Variants in DGKG observed in about 807,000 individuals in gnomAD.
DGKG encodes the protein DAG kinase gamma.
DGKG carries 78 observed loss-of-function variants against 105.3 expected under a neutral mutation model. The ratio of observed to expected loss-of-function variants is 0.74; its 90% confidence interval spans 0.62 to 0.89. The LOEUF (loss-of-function observed/expected upper bound fraction) is 0.89. Among genes scored for constraint, DGKG ranks in the 40% least tolerant of loss-of-function variants. The pLI is 0.00. For missense variants in DGKG, 958 were observed against 1,020.1 expected (o/e 0.94, Z 0.83); for synonymous variants, 346 against 367.1 (o/e 0.94, Z 0.66).
Position 186,178,517 on chromosome 3 carries a change from G to T in DGKG, c.2095+9685C>A, listed in dbSNP as rs559208530. 2.6e-5 allele frequency among the ~76,000 whole-genome samples: 4 copies of T among 152,298 alleles called. No individual in the cohort carries two copies. The East Asian group carries it at 7.7e-4, about 29-fold the overall frequency. On this transcript the variant is annotated intron_variant, in intron 22 of 24. Coordinates refer to ENST00000265022, the MANE Select transcript of DGKG (RefSeq NM_001346.3). Reference sequence around the variant, plus strand: ...CCTTGGCTCTGTGGTTCTATTTTGAGCAGCAAACCTCCTGAGGCAGGAATT... The same window carrying T: ...CCTTGGCTCTGTGGTTCTATTTTGATCAGCAAACCTCCTGAGGCAGGAATT...
At chr3:186,355,593 C>T (rs1348891063) in intron 1 of DGKG, among the ~76,000 whole-genome samples, 2 of 151,782 alleles carry the variant, frequency 1.3e-5, no homozygotes, top group Non-Finnish European at 2.9e-5. Context: ...CATCACCCCA[C>T]CACTACCACC....
chr3:186,346,458 A>G (rs1726334421), intron 1 of DGKG, among the ~76,000 whole-genome samples: 1 of 152,090 alleles, frequency 6.6e-6, no homozygotes, highest in Non-Finnish European at 1.5e-5. Context: ...CTTATTTTAC[A>G]TTTCCTTTAA....
intron 1 of DGKG, among the ~76,000 whole-genome samples, chr3:186,347,408 C>T (rs1440015881): frequency 7.0e-6 from 1 of 141,912 alleles, no homozygotes; most frequent in Non-Finnish European, 1.5e-5. Flanking sequence ...AGACCACAGC[C>T]GCTGCACTCC....
intron 24 of DGKG, among the ~76,000 whole-genome samples, chr3:186,157,513 A>G (rs1277947040): frequency 1.3e-5 from 2 of 152,166 alleles, no homozygotes; most frequent in African/African-American, 2.4e-5. Context: ...TGTCTGTACT[A>G]TGAAACAGTT....
chr3:186,222,310 C>T (rs538465841), intron 20 of DGKG, among the ~76,000 whole-genome samples: 5 of 152,296 alleles, frequency 3.3e-5, no homozygotes, highest in African/African-American at 7.2e-5. Flanking sequence ...CAGGCTAACC[C>T]ACAAGAGCCA....
At chr3:186,282,752 G>A (rs1217132467) in intron 7 of DGKG, among the ~76,000 whole-genome samples, 2 of 152,122 alleles carry the variant, frequency 1.3e-5, no homozygotes, top group Non-Finnish European at 2.9e-5. Context: ...CTGACCTCTG[G>A]TGATCCGCCC....
At chr3:186,266,474 G>T (rs1722062861) in intron 13 of DGKG, among the ~76,000 whole-genome samples, 1 of 152,196 alleles carries the variant, frequency 6.6e-6, no homozygotes, top group South Asian at 2.1e-4. Flanking sequence ...TCTTTTGGTG[G>T]AATAAATGCT....
At chr3:186,290,858 A>G (rs893561646) in intron 5 of DGKG, among the ~76,000 whole-genome samples, 1 of 152,232 alleles carries the variant, frequency 6.6e-6, no homozygotes, top group Non-Finnish European at 1.5e-5. Context: ...ACACTTGTGG[A>G]AGGAAAACAC....
intron 2 of DGKG, among the ~76,000 whole-genome samples, chr3:186,313,788 A>G (rs1724673716): frequency 6.6e-6 from 1 of 152,166 alleles, no homozygotes; most frequent in Non-Finnish European, 1.5e-5. Flanking sequence ...GTTAAAAGAA[A>G]AAAAGGTCTG....
intron 20 of DGKG, among the ~76,000 whole-genome samples, chr3:186,220,205 C>A (rs1385614771): frequency 6.6e-6 from 1 of 152,158 alleles, no homozygotes; most frequent in Non-Finnish European, 1.5e-5. Flanking sequence ...CTTAGAAGAG[C>A]TTTATGGCTG....
chr3:186,260,719 G>C (rs1204453244), intron 15 of DGKG, among the ~76,000 whole-genome samples: 1 of 152,182 alleles, frequency 6.6e-6, no homozygotes, highest in Non-Finnish European at 1.5e-5. Flanking sequence ...CCCGGTTCAA[G>C]GCTGAACTAC....
intron 21 of DGKG, among the ~76,000 whole-genome samples, chr3:186,201,126 A>G (rs1330926066): frequency 1.3e-5 from 2 of 149,576 alleles, no homozygotes; most frequent in Non-Finnish European, 3.0e-5. Flanking sequence ...CCACTGCTCC[A>G]CCCTCCCCAG....
At chr3:186,311,841 G>T (rs1578817679) in intron 2 of DGKG, among the ~76,000 whole-genome samples, 1 of 129,536 alleles carries the variant, frequency 7.7e-6, no homozygotes, top group East Asian at 1.9e-4. Flanking sequence ...AGTAGGCCGG[G>T]CGCGGTGGCT....
intron 21 of DGKG, among the ~76,000 whole-genome samples, chr3:186,191,332 G>GT (rs1223634068): frequency 1.3e-5 from 2 of 152,192 alleles, no homozygotes; most frequent in African/African-American, 4.8e-5. Flanking sequence ...AGAATAAAGT[G>GT]TATCAGTCTG....
At chr3:186,256,455 C>T (rs1721478056) in intron 17 of DGKG, among the ~76,000 whole-genome samples, 1 of 152,196 alleles carries the variant, frequency 6.6e-6, no homozygotes, top group African/African-American at 2.4e-5. Context: ...CTTCTCACCA[C>T]CACTCTGTTT....
At chr3:186,184,219 A>T (rs1717505172) in intron 22 of DGKG, among the ~76,000 whole-genome samples, 1 of 151,996 alleles carries the variant, frequency 6.6e-6, no homozygotes, top group Non-Finnish European at 1.5e-5. Flanking sequence ...AGTTTTACAG[A>T]TGAGGAAGCT....
At position 186,292,173 on chromosome 3, in the gene DGKG, C is replaced by A. The variant is rs532097253; in HGVS notation, c.374-3293G>T. Among the ~76,000 whole-genome samples, 3 of 152,294 alleles carry A rather than the reference C, an allele frequency of 2.0e-5. No individual in the cohort carries two copies. The South Asian group carries it at 6.2e-4, about 32-fold the overall frequency. On this transcript the variant is annotated intron_variant, in intron 5 of 24. Coordinates refer to ENST00000265022, the MANE Select transcript of DGKG (RefSeq NM_001346.3). ...TGTCCTAAACCCTTTCATGTGACGG[C>A]TCTTGGGCAGACCTGACTTGTTCCA...
chr3:186,244,579 T>C (rs559492400), intron 19 of DGKG, among the ~76,000 whole-genome samples: 1 of 152,146 alleles, frequency 6.6e-6, no homozygotes, highest in Admixed American at 6.5e-5. Flanking sequence ...TAATTTTTTG[T>C]ATTTTTAGTA....
At position 186,193,047 on chromosome 3, in the gene DGKG, C is replaced by T. The variant is rs143292389; in HGVS notation, c.1918-4668G>A. Among the ~76,000 whole-genome samples, 778 of 152,296 alleles carry T rather than the reference C, an allele frequency of 5.1e-3. 1 individual carries two copies. The highest frequency in any genetic ancestry group is 8.0e-3 in the Non-Finnish European group (545 of 68,022). ...TTCCTGGAAGAGCAGGCAATCCTCA[C>T]TCTGCTTTCTAGGTTGTCCCCTTCC... On this transcript the variant is annotated intron_variant, in intron 21 of 24. Transcript: ENST00000265022.
Sources: allele counts gnomAD v4.1 joint callset (sites outside exome capture counted in the v4.1 genomes callset), GRCh38; gene constraint gnomAD v4.1.1; transcripts MANE v1.5; gene names NCBI Gene and HGNC (gene_info 2026-07-23, HGNC 2026-07-21).